GINS3: variants seen among roughly 807,000 people sequenced by gnomAD.
The protein encoded by GINS3 is GINS complex subunit 3.
A neutral mutation model predicts 20.0 loss-of-function variants in GINS3; 18 were observed. That is an observed-to-expected ratio of 0.90 (90% CI 0.62 to 1.33). GINS3 has a LOEUF of 1.33. GINS3 is among the 40% of genes most tolerant of loss of function. The pLI is 0.00. For missense variants in GINS3, 254 were observed against 273.6 expected, an observed-to-expected ratio of 0.93 and a Z score of 0.51; for synonymous variants, 109 against 107.0, an observed-to-expected ratio of 1.02 and a Z score of -0.12.
At chr16:58,394,381 C>T (rs528604657) in intron 1 of GINS3, among the ~76,000 whole-genome samples, 1 of 152,224 alleles carries the variant, frequency 6.6e-6, no homozygotes, top group Admixed American at 6.5e-5. Flanking sequence ...CGGAGTTACC[C>T]TGTCATCTAG....
rs189243250 is a variant in GINS3, at chr16:58,400,203, T to G, written c.187-2895T>G. On this transcript the variant is annotated intron_variant, in intron 1 of 2. Coordinates refer to ENST00000318129, the MANE Select transcript of GINS3 (RefSeq NM_022770.4). ...ACACTCATGGTTAAGATTGATTACA[T>G]CAAAAGGATATAAAGCAAAATTAGC... is the stretch of plus-strand genomic sequence containing the variant. Among the ~76,000 whole-genome samples, 353 of 152,238 alleles carry G rather than the reference T, an allele frequency of 2.3e-3. 3 individuals are homozygous for G. The highest frequency in any genetic ancestry group is 8.2e-3 in the African/African-American group (341 of 41,516).
chr16:58,404,379 T>C (rs1965998380), intron 2 of GINS3, 120 bp from the exon 3 acceptor site: 1 of 684,034 alleles, frequency 1.5e-6, no homozygotes, highest in Non-Finnish European at 2.6e-6. Context: ...TCAGACCTCC[T>C]TCTGAGTCCT....
chr16:58,395,239 C>G (rs983112882), intron 1 of GINS3: 1 of 384,088 alleles, frequency 2.6e-6, no homozygotes, highest in Non-Finnish European at 4.5e-6. Flanking sequence ...CCATGTCCAG[C>G]TAATTTTTGT....
At chr16:58,395,909 C>A (rs969357872) in intron 1 of GINS3, among the ~76,000 whole-genome samples, 2 of 151,372 alleles carry the variant, frequency 1.3e-5, no homozygotes, top group South Asian at 2.1e-4. Context: ...TAGGGGCGGC[C>A]GGGCAGAGGT....
At chr16:58,396,428 C>T (rs1333001963) in intron 1 of GINS3, among the ~76,000 whole-genome samples, 1 of 107,872 alleles carries the variant, frequency 9.3e-6, no homozygotes, top group African/African-American at 4.0e-5. Flanking sequence ...GGGCGGCTGG[C>T]TGGGCAGAGG....
intron 1 of GINS3, among the ~76,000 whole-genome samples, chr16:58,399,999 T>C (rs780787873): frequency 2.6e-5 from 4 of 152,220 alleles, no homozygotes; most frequent in Non-Finnish European, 4.4e-5. Context: ...TTTCATGACT[T>C]GTTTTTCCTT....
intron 1 of GINS3, chr16:58,395,272 C>CTT (rs111843649): frequency 2.6e-3 from 593 of 227,226 alleles, no homozygotes; most frequent in Middle Eastern, 3.4e-3. Context: ...TCTAAATTTT[C>CTT]TTTTTTTTTT....
intron 2 of GINS3, chr16:58,404,262 C>T: frequency 1.9e-6 from 1 of 532,872 alleles, no homozygotes; most frequent in Non-Finnish European, 3.4e-6. Context: ...TACATGTATT[C>T]ATTGGTTTTC....
rs942434669 is a variant in GINS3 at position 58,405,039 on chromosome 16, G to A, written c.*310G>A. ...CCATATAATATATCACAGTAGAGTT[G>A]CAACTGAGATTCCTTGTGTCTGGGA... On this transcript the variant is annotated 3_prime_UTR_variant, in exon 3 of 3. Coordinates refer to ENST00000318129, the MANE Select transcript of GINS3 (RefSeq NM_022770.4). 17 of 282,838 alleles carry A rather than the reference G, an allele frequency of 6.0e-5. No homozygotes were observed. The highest frequency in any genetic ancestry group is 1.1e-4 in the Non-Finnish European group (16 of 148,454). The allele number at this position is 282,838 out of a possible 1,614,324, so 17.5% of individuals were successfully genotyped here.
At chr16:58,393,528 G>A (rs1457541972) in intron 1 of GINS3, 3 of 152,202 alleles carry the variant, frequency 2.0e-5, no homozygotes, top group Non-Finnish European at 4.4e-5. Flanking sequence ...TTTTATCAAA[G>A]TAATACATAA....
intron 1 of GINS3, among the ~76,000 whole-genome samples, chr16:58,394,540 T>A (rs1012793027): frequency 1.3e-5 from 2 of 152,074 alleles, no homozygotes; most frequent in Non-Finnish European, 2.9e-5. Flanking sequence ...AGAGATGAGG[T>A]TTCACCAGGT....
At chr16:58,395,145 G>A (rs1008386579) in intron 1 of GINS3, 7 of 475,944 alleles carry the variant, frequency 1.5e-5, no homozygotes, top group Admixed American at 4.2e-5. Flanking sequence ...GGTGTGATAT[G>A]GCTCACTGCA....
At chr16:58,398,823 C>A (rs562331089) in intron 1 of GINS3, among the ~76,000 whole-genome samples, 2 of 152,214 alleles carry the variant, frequency 1.3e-5, no homozygotes, top group South Asian at 4.2e-4. Context: ...TGATTTCAGT[C>A]TTGAAAGTTG....
chr16:58,399,885 A>T (rs985674381), intron 1 of GINS3, among the ~76,000 whole-genome samples: 4 of 152,332 alleles, frequency 2.6e-5, no homozygotes, highest in Middle Eastern at 3.4e-3. Flanking sequence ...GAATCTTAGA[A>T]CACTTAAACC....
chr16:58,392,478 T>G lies in GINS3; in HGVS notation c.-124T>G. 7 of 1,115,824 alleles carry G rather than the reference T, an allele frequency of 6.3e-6. No homozygotes were observed. The highest frequency in any genetic ancestry group is 9.0e-6 in the Non-Finnish European group (7 of 779,982). 69.1% of individuals were successfully genotyped at this position (1,115,824 alleles called of 1,614,324 possible). ...TGCGTCCCCGGGCGCGGGAAACGAG[T>G]TTCAATCCACTTTCCTGACCCCAAC... On this transcript the variant is annotated 5_prime_UTR_variant, in exon 1 of 3. Coordinates refer to ENST00000318129, the MANE Select transcript of GINS3 (RefSeq NM_022770.4).
intron 2 of GINS3, 21 bp downstream of exon 2, chr16:58,403,352 C>T: frequency 1.3e-6 from 2 of 1,584,516 alleles, no homozygotes; most frequent in East Asian, 2.2e-5. Flanking sequence ...GGTGTGAAAA[C>T]CTGTGGTGCT....
In GINS3 at chr16:58,405,457, C is replaced by T. The variant is rs1001959278; in HGVS notation, c.*728C>T. The T allele has an allele frequency of 2.0e-5, 3 of 152,176 alleles. No individual in the cohort carries two copies. The highest frequency in any genetic ancestry group is 1.9e-4 in the East Asian group (1 of 5,204). The allele number at this position is 152,176 out of a possible 1,614,324, so 9.4% of individuals were successfully genotyped here. A position where few individuals can be genotyped will look rare whatever the true frequency, so the allele number is the denominator to read the frequency against. On this transcript the variant is annotated 3_prime_UTR_variant, in exon 3 of 3. Coordinates refer to ENST00000318129, the MANE Select transcript of GINS3 (RefSeq NM_022770.4). ...TTGCCTCGGAGAGCCTAAGAGCACC[C>T]GCACACTTAATTCTACTCCCTGTCT...
chr16:58,404,339 G>A (rs1003625509), intron 2 of GINS3, 160 bp from the exon 3 acceptor site: 2 of 615,232 alleles, frequency 3.3e-6, no homozygotes, highest in Non-Finnish European at 5.9e-6. Context: ...ATGGCAATGT[G>A]CAATAACTTA....
chr16:58,393,140 A>G (rs1238382491), intron 1 of GINS3, among the ~76,000 whole-genome samples: 2 of 152,216 alleles, frequency 1.3e-5, no homozygotes, highest in African/African-American at 4.8e-5. Flanking sequence ...CTTAAGAATT[A>G]GAGTTCTGAT....
Sources: gnomAD v4.1 joint callset for allele counts (sites outside exome capture counted in the v4.1 genomes callset) on GRCh38, gnomAD v4.1.1 for gene constraint, MANE v1.5 for transcripts, NCBI Gene and HGNC (gene_info 2026-07-23, HGNC 2026-07-21) for gene names.